SLIT3: variants seen among roughly 807,000 people sequenced by gnomAD.
The protein encoded by SLIT3 is slit homolog 3 protein.
Under a neutral mutation model 184.0 loss-of-function variants are expected in SLIT3, and 68 were observed. The ratio of observed to expected loss-of-function variants is 0.37; its 90% confidence interval spans 0.30 to 0.45. The LOEUF is 0.45. Among genes scored for constraint, SLIT3 ranks in the 20% least tolerant of loss-of-function variants. SLIT3 has a pLI of 1.00. For missense variants in SLIT3, 1,707 were observed against 2,026.0 expected (o/e 0.84, Z 3.02); for synonymous variants, 831 against 828.6 (o/e 1.00, Z -0.05).
At chr5:169,246,687 G>A (rs1249701706) in intron 2 of SLIT3, among the ~76,000 whole-genome samples, 1 of 151,872 alleles carries the variant, frequency 6.6e-6, no homozygotes, top group Non-Finnish European at 1.5e-5. Context: ...TTGGGAGGCT[G>A]AGGCAGGTGG....
intron 12 of SLIT3, among the ~76,000 whole-genome samples, chr5:168,783,344 A>G (rs573429573): frequency 1.3e-5 from 2 of 152,246 alleles, no homozygotes; most frequent in African/African-American, 4.8e-5. Context: ...GAACACACCG[A>G]GAAAAGCTCC....
chr5:169,134,099 T>C (rs1271210643), intron 4 of SLIT3, among the ~76,000 whole-genome samples: 2 of 152,264 alleles, frequency 1.3e-5, no homozygotes, highest in African/African-American at 2.4e-5. Context: ...CTGGCCTTCC[T>C]CTAGAGACTA....
At chr5:169,297,670 C>G (rs887147510) in intron 1 of SLIT3, among the ~76,000 whole-genome samples, 1 of 152,132 alleles carries the variant, frequency 6.6e-6, no homozygotes, top group Non-Finnish European at 1.5e-5. Flanking sequence ...CAACATGAAC[C>G]CTGGGAAGTT....
chr5:169,170,738 A>T (rs1023026926), intron 4 of SLIT3, among the ~76,000 whole-genome samples: 3 of 150,922 alleles, frequency 2.0e-5, no homozygotes, highest in South Asian at 2.1e-4. Flanking sequence ...GCTCATTTTT[A>T]AAAAATGGTA....
At chr5:168,709,833 T>G (rs562206379) in intron 25 of SLIT3, among the ~76,000 whole-genome samples, 1 of 135,824 alleles carries the variant, frequency 7.4e-6, no homozygotes, top group African/African-American at 3.3e-5. Context: ...TAAAAGGAGT[T>G]TTTTTTTTTT....
chr5:168,972,070 G>T (rs539090179), intron 4 of SLIT3, among the ~76,000 whole-genome samples: 2 of 152,336 alleles, frequency 1.3e-5, no homozygotes, highest in South Asian at 2.1e-4. Flanking sequence ...TGCGAGGAAG[G>T]TCCCTCTGGG....
At chr5:168,783,632 A>T (rs1756051792) in intron 12 of SLIT3, among the ~76,000 whole-genome samples, 1 of 152,228 alleles carries the variant, frequency 6.6e-6, no homozygotes, top group Non-Finnish European at 1.5e-5. Flanking sequence ...AAGGAGAGAA[A>T]ATAACTCAGA....
intron 4 of SLIT3, 39 bp from the exon 5 acceptor site, chr5:168,883,375 C>T (rs1760028894): frequency 6.7e-7 from 1 of 1,491,806 alleles, no homozygotes; most frequent in Non-Finnish European, 9.3e-7. Context: ...ATTAAAGACC[C>T]AGGCTGTCTT....
At chr5:168,900,639 CAAAACA>C in intron 4 of SLIT3, among the ~76,000 whole-genome samples, 1 of 145,754 alleles carries the variant, frequency 6.9e-6, no homozygotes, top group South Asian at 2.2e-4. Context: ...CAAAACAAAA[CAAAACA>C]AAAACAATTG....
chr5:168,762,565 G>A lies in SLIT3; in HGVS notation c.1584C>T (p.Ser528=). Residue 528 remains serine, a synonymous_variant, in exon 15 of 36, where the codon AGC becomes AGT. Coordinates refer to ENST00000519560, the MANE Select transcript of SLIT3 (RefSeq NM_003062.4). ...CSNQKLVRIP[S]HLPEYVTDLR... ...GGTCGGTGACATATTCAGGGAGGTG[G>A]CTTGGGATGCGGACCAGCTTCTGGT... 1.9e-6 allele frequency: 3 copies of A among 1,613,984 alleles called. No homozygotes were observed. Among genetic ancestry groups the A allele is most frequent in the Non-Finnish European group, 1.7e-6 (2 of 1,179,886 alleles).
In SLIT3 at chr5:169,068,288, C is replaced by T. The variant is rs181788185; in HGVS notation, c.413+125191G>A. 3.9e-3 allele frequency among the ~76,000 whole-genome samples: 597 copies of T among 152,072 alleles called. 4 individuals carry two copies. Among genetic ancestry groups the T allele is most frequent in the African/African-American group, 0.014 (573 of 41,490 alleles). The stretch of plus-strand genomic sequence containing the variant: ...TCTTCACTTATATCTCGCCATTTTC[C>T]AAAAAATATATGAAACAAGTATAGA... On this transcript the variant is annotated intron_variant, in intron 4 of 35. Coordinates refer to ENST00000519560, the MANE Select transcript of SLIT3 (RefSeq NM_003062.4).
chr5:168,712,459 G>C (rs1270784462), intron 23 of SLIT3, 105 bp from the exon 24 acceptor site: 1 of 928,570 alleles, frequency 1.1e-6, no homozygotes, highest in Non-Finnish European at 1.8e-6. Flanking sequence ...GTTTTGCTCA[G>C]AGCCCCACTG....
chr5:169,155,119 G>A (rs772873023), intron 4 of SLIT3, among the ~76,000 whole-genome samples: 3 of 152,166 alleles, frequency 2.0e-5, no homozygotes, highest in Non-Finnish European at 4.4e-5. Context: ...TGCAGTTTTT[G>A]GTAACCTAGC....
intron 4 of SLIT3, among the ~76,000 whole-genome samples, chr5:169,033,423 G>T (rs1284703232): frequency 6.6e-6 from 1 of 152,180 alleles, no homozygotes; most frequent in Non-Finnish European, 1.5e-5. Context: ...GTCTCTTTAT[G>T]AGGCGGTGAT....
chr5:168,789,750 G>T, intron 10 of SLIT3, 119 bp from the exon 11 acceptor site: 1 of 756,460 alleles, frequency 1.3e-6, no homozygotes, highest in Non-Finnish European at 2.3e-6. Context: ...AATCAATCAA[G>T]CAATTCATTT....
At chr5:169,264,457 C>T (rs542563226) in intron 1 of SLIT3, among the ~76,000 whole-genome samples, 2 of 152,234 alleles carry the variant, frequency 1.3e-5, no homozygotes, top group African/African-American at 2.4e-5. Flanking sequence ...GAATTACAGG[C>T]GTGAGCCACC....
At chr5:168,907,975 T>TAGAGAGAGAGAGAGAG (rs1421951059) in intron 4 of SLIT3, among the ~76,000 whole-genome samples, 1 of 64,654 alleles carries the variant, frequency 1.5e-5, no homozygotes, top group African/African-American at 8.1e-5. Context: ...TATATATATA[T>TAGAGAGAGAGAGAGAG]ATATAGAGAG....
intron 8 of SLIT3, among the ~76,000 whole-genome samples, chr5:168,814,397 GCAAA>G (rs34174262): frequency 0.4 from 60,051 of 150,624 alleles, 12,797 homozygotes; most frequent in African/African-American, 0.55. Context: ...ACTGTCTCAA[GCAAA>G]CAAACAAACA....
chr5:168,842,468 C>CTTTTTTTTTTTTTTTTTTT (rs1561962519), intron 6 of SLIT3, among the ~76,000 whole-genome samples: 1 of 61,320 alleles, frequency 1.6e-5, no homozygotes, highest in African/African-American at 1.2e-4. Context: ...ACCGTTTTTT[C>CTTTTTTTTTTTTTTTTTTT]GTTTTTTTTT....
Sources: gnomAD v4.1 joint callset for allele counts (sites outside exome capture counted in the v4.1 genomes callset) on GRCh38, gnomAD v4.1.1 for gene constraint, MANE v1.5 for transcripts, NCBI Gene and HGNC (gene_info 2026-07-23, HGNC 2026-07-21) for gene names.